Variants in KCND2 observed in about 807,000 individuals in gnomAD.
KCND2 encodes A-type voltage-gated potassium channel KCND2.
A neutral mutation model predicts 54.4 loss-of-function variants in KCND2; 16 were observed. The observed-to-expected ratio is 0.29, with a 90% CI of 0.20 to 0.45. KCND2 has a LOEUF of 0.45. Ranked by LOEUF, KCND2 falls within the 20% of genes least tolerant of loss-of-function variation. The pLI is 1.00. For synonymous variants in KCND2, 317 were observed against 310.7 expected, an observed-to-expected ratio of 1.02 and a Z score of -0.21; for missense variants, 486 against 824.2, an observed-to-expected ratio of 0.59 and a Z score of 5.02.
At chr7:120,551,556 G>A (rs1792105307) in intron 1 of KCND2, among the ~76,000 whole-genome samples, 1 of 152,148 alleles carries the variant, frequency 6.6e-6, no homozygotes, top group Non-Finnish European at 1.5e-5. Flanking sequence ...TTTTCTCAGT[G>A]CAGAGAAAGA....
chr7:120,513,379 T>C (rs999729212), intron 1 of KCND2, among the ~76,000 whole-genome samples: 2 of 152,180 alleles, frequency 1.3e-5, no homozygotes, highest in Non-Finnish European at 2.9e-5. Context: ...TAATGTGTTT[T>C]TGATTTATCT....
chr7:120,365,374 T>A (rs1177452347), intron 1 of KCND2, among the ~76,000 whole-genome samples: 4 of 152,142 alleles, frequency 2.6e-5, no homozygotes, highest in African/African-American at 9.6e-5. Context: ...AGACCAAGGA[T>A]CATGTCAGAC....
At chr7:120,425,448 A>C (rs1801693862) in intron 1 of KCND2, among the ~76,000 whole-genome samples, 1 of 152,270 alleles carries the variant, frequency 6.6e-6, no homozygotes, top group Non-Finnish European at 1.5e-5. Flanking sequence ...ATGTTCAGAA[A>C]TGTGACATAC....
chr7:120,607,337 T>G (rs900772937), intron 1 of KCND2, among the ~76,000 whole-genome samples: 6 of 152,164 alleles, frequency 3.9e-5, no homozygotes, highest in Admixed American at 6.6e-5. Context: ...CCTACTCTGC[T>G]ATCCATGCTG....
intron 1 of KCND2, among the ~76,000 whole-genome samples, chr7:120,439,159 G>A (rs1801913860): frequency 6.6e-6 from 1 of 151,972 alleles, no homozygotes; most frequent in Non-Finnish European, 1.5e-5. Flanking sequence ...AGAAATTATG[G>A]TTCTTTAAAT....
intron 1 of KCND2, among the ~76,000 whole-genome samples, chr7:120,524,511 T>C (rs1214568556): frequency 6.6e-6 from 1 of 152,244 alleles, no homozygotes; most frequent in Non-Finnish European, 1.5e-5. Flanking sequence ...TTGTTTAAAA[T>C]GTAATTTCAT....
At chr7:120,455,362 G>T (rs1802180744) in intron 1 of KCND2, among the ~76,000 whole-genome samples, 2 of 152,118 alleles carry the variant, frequency 1.3e-5, no homozygotes, top group Non-Finnish European at 2.9e-5. Flanking sequence ...GAACAGAATA[G>T]AGAGATTACA....
chr7:120,462,114 T>G (rs1362633090), intron 1 of KCND2, among the ~76,000 whole-genome samples: 1 of 152,082 alleles, frequency 6.6e-6, no homozygotes, highest in Admixed American at 6.6e-5. Context: ...GTATCTCATA[T>G]TGTATCTCTC....
chr7:120,740,736 A>G, intron 2 of KCND2: 1 of 419,030 alleles, frequency 2.4e-6, no homozygotes, highest in South Asian at 1.8e-5. Flanking sequence ...CTACAGACAC[A>G]CACACACAAA....
intron 1 of KCND2, among the ~76,000 whole-genome samples, chr7:120,392,280 T>G (rs114318914): frequency 0.1 from 15,536 of 151,850 alleles, 833 homozygotes; most frequent in Admixed American, 0.13. Context: ...CTATGTATCT[T>G]TTTTGGTACC....
intron 1 of KCND2, among the ~76,000 whole-genome samples, chr7:120,527,245 A>G (rs1259013132): frequency 6.6e-6 from 1 of 152,176 alleles, no homozygotes; most frequent in Non-Finnish European, 1.5e-5. Context: ...AAAAACATCT[A>G]TAAAACATGT....
intron 5 of KCND2, 89 bp downstream of exon 5, chr7:120,746,116 T>C (rs1793003123): frequency 6.9e-6 from 10 of 1,447,956 alleles, no homozygotes; most frequent in Non-Finnish European, 9.6e-6. Context: ...ACATGGCATC[T>C]AAATCCCTAG....
At chr7:120,304,890 C>T (rs528954162) in intron 1 of KCND2, among the ~76,000 whole-genome samples, 58 of 152,218 alleles carry the variant, frequency 3.8e-4, no homozygotes, top group Non-Finnish European at 6.2e-4. Flanking sequence ...ATCTCCAGCT[C>T]GGCATTGTTT....
intron 1 of KCND2, among the ~76,000 whole-genome samples, chr7:120,278,697 A>T (rs1271487573): frequency 6.6e-6 from 1 of 151,766 alleles, no homozygotes; most frequent in Admixed American, 6.6e-5. Context: ...TGCTCCTTGA[A>T]ATATCAAATA....
At chr7:120,632,899 A>C (rs1442751998) in intron 1 of KCND2, among the ~76,000 whole-genome samples, 3 of 152,186 alleles carry the variant, frequency 2.0e-5, no homozygotes, top group Non-Finnish European at 4.4e-5. Flanking sequence ...CTGTTTGCAA[A>C]GAAACATGAG....
At chr7:120,333,251 G>A (rs927506481) in intron 1 of KCND2, among the ~76,000 whole-genome samples, 16 of 152,204 alleles carry the variant, frequency 1.1e-4, no homozygotes, top group African/African-American at 3.4e-4. Context: ...TTATTGTAAG[G>A]AACAAATGAA....
intron 1 of KCND2, among the ~76,000 whole-genome samples, chr7:120,371,734 A>AT (rs1800768366): frequency 6.6e-6 from 1 of 151,960 alleles, no homozygotes; most frequent in South Asian, 2.1e-4. Context: ...AATACTTACT[A>AT]TTCTACTACA....
chr7:120,294,659 T>C (rs1049253158), intron 1 of KCND2, among the ~76,000 whole-genome samples: 1 of 151,862 alleles, frequency 6.6e-6, no homozygotes, highest in Admixed American at 6.6e-5. Flanking sequence ...ATTAATTAGG[T>C]CTTGATTAAA....
intron 1 of KCND2, among the ~76,000 whole-genome samples, chr7:120,692,839 C>G (rs1005824985): frequency 6.6e-6 from 1 of 152,194 alleles, no homozygotes; most frequent in African/African-American, 2.4e-5. Flanking sequence ...GATGAAACTC[C>G]TATGAAAGAA....
Sources: gnomAD v4.1 joint callset for allele counts (sites outside exome capture counted in the v4.1 genomes callset) on GRCh38, gnomAD v4.1.1 for gene constraint, MANE v1.5 for transcripts, NCBI Gene and HGNC (gene_info 2026-07-23, HGNC 2026-07-21) for gene names.